The following GALNT14 variants were observed in gnomAD, a reference collection of about 807,000 sequenced individuals.
GALNT14 encodes UDP-GalNAc:polypeptide N-acetylgalactosaminyltransferase 14.
A neutral mutation model predicts 77.5 loss-of-function variants in GALNT14; 60 were observed. The ratio of observed to expected loss-of-function variants is 0.77; its 90% confidence interval spans 0.63 to 0.96. The LOEUF is 0.96. GALNT14 is among the 40% of genes least tolerant of loss of function. The pLI, the probability that GALNT14 is intolerant of heterozygous loss-of-function variation, is 0.00. For missense variants in GALNT14, 710 were observed against 731.0 expected, an observed-to-expected ratio of 0.97 and a Z score of 0.33; for synonymous variants, 280 against 281.7, an observed-to-expected ratio of 0.99 and a Z score of 0.06.
chr2:31,091,485 G>T (rs1676734855), intron 1 of GALNT14, among the ~76,000 whole-genome samples: 1 of 152,198 alleles, frequency 6.6e-6, no homozygotes, highest in Non-Finnish European at 1.5e-5. Context: ...GATCATCTCT[G>T]TACTTGCCCC....
At chr2:30,990,490 A>T (rs972158396) in intron 2 of GALNT14, among the ~76,000 whole-genome samples, 4 of 152,152 alleles carry the variant, frequency 2.6e-5, no homozygotes, top group Non-Finnish European at 4.4e-5. Context: ...GTGAGATGAG[A>T]TCCTATAGAC....
At chr2:31,065,153 T>A (rs1674861516) in intron 1 of GALNT14, 1 of 151,918 alleles carries the variant, frequency 6.6e-6, no homozygotes, top group Admixed American at 6.6e-5. Context: ...TCCATCTTGG[T>A]CCTTTATTGT....
chr2:31,056,602 G>A (rs1006372888), intron 1 of GALNT14, among the ~76,000 whole-genome samples: 2 of 152,152 alleles, frequency 1.3e-5, no homozygotes, highest in Non-Finnish European at 2.9e-5. Flanking sequence ...GTGTGCACCT[G>A]CCATGGGGAG....
chr2:31,005,289 A>C (rs1261810679), intron 1 of GALNT14, among the ~76,000 whole-genome samples: 1 of 152,108 alleles, frequency 6.6e-6, no homozygotes, highest in African/African-American at 2.4e-5. Flanking sequence ...TGGGGAGTGG[A>C]GATGGGCTAA....
chr2:31,094,695 T>C (rs1676917144), intron 1 of GALNT14, among the ~76,000 whole-genome samples: 1 of 152,340 alleles, frequency 6.6e-6, no homozygotes, highest in East Asian at 1.9e-4. Flanking sequence ...CACTATTAAG[T>C]AATTTCCCAA....
At chr2:31,058,271 G>A (rs896416841) in intron 1 of GALNT14, among the ~76,000 whole-genome samples, 5 of 152,124 alleles carry the variant, frequency 3.3e-5, no homozygotes, top group South Asian at 2.1e-4. Context: ...CCCCTGACCC[G>A]TGGGAAGGGA....
intron 11 of GALNT14, among the ~76,000 whole-genome samples, chr2:30,929,139 C>T (rs1665566000): frequency 6.6e-6 from 1 of 152,198 alleles, no homozygotes; most frequent in South Asian, 2.1e-4. Context: ...TATTGGTCCA[C>T]TGCACAAGGC....
chr2:30,931,547 C>T (rs1665728712), intron 10 of GALNT14, among the ~76,000 whole-genome samples: 2 of 152,116 alleles, frequency 1.3e-5, no homozygotes, highest in Non-Finnish European at 2.9e-5. Context: ...CACCAGCAGA[C>T]AGGAGCCCAG....
intron 3 of GALNT14, among the ~76,000 whole-genome samples, 168 bp downstream of exon 3, chr2:30,966,035 AG>A (rs1667983646): frequency 3.3e-5 from 5 of 152,180 alleles, no homozygotes; most frequent in Non-Finnish European, 7.3e-5. Context: ...CCTCCCTTAC[AG>A]GAATGTGAGG....
intron 1 of GALNT14, among the ~76,000 whole-genome samples, chr2:31,010,610 G>A (rs1362571178): frequency 2.0e-5 from 3 of 152,130 alleles, no homozygotes; most frequent in Non-Finnish European, 4.4e-5. Context: ...GAGAGACTCT[G>A]TCTCAAGATG....
At chr2:30,940,195 A>C (rs1666297184) in intron 9 of GALNT14, among the ~76,000 whole-genome samples, 2 of 152,156 alleles carry the variant, frequency 1.3e-5, no homozygotes. Context: ...CAACTTCTCT[A>C]TTCCAATCAG....
At chr2:30,889,136 C>T in the GALNT14 span, among the ~76,000 whole-genome samples, 13 of 152,086 alleles carry the variant, frequency 8.5e-5, no homozygotes, top group Non-Finnish European at 1.8e-4. Context: ...AGGTTAGCCA[C>T]CCGGATTTAT....
chr2:31,024,097 C>T (rs1178497196), intron 1 of GALNT14, among the ~76,000 whole-genome samples: 1 of 151,716 alleles, frequency 6.6e-6, no homozygotes, highest in African/African-American at 2.4e-5. Flanking sequence ...CAGCCTTGAA[C>T]AAGGCATCAC....
chr2:31,086,573 C>T (rs1676442350), intron 1 of GALNT14, among the ~76,000 whole-genome samples: 1 of 151,460 alleles, frequency 6.6e-6, no homozygotes, highest in Non-Finnish European at 1.5e-5. Context: ...AAAAAAAAAC[C>T]ATAAAAGGGT....
intron 1 of GALNT14, among the ~76,000 whole-genome samples, chr2:31,110,862 C>T (rs1677798195): frequency 6.6e-6 from 1 of 152,096 alleles, no homozygotes; most frequent in South Asian, 2.1e-4. Flanking sequence ...TCTTAAAAGT[C>T]AGATTTTTTA....
At chr2:31,072,361 GTC>G (rs1192450381) in intron 1 of GALNT14, among the ~76,000 whole-genome samples, 2 of 150,176 alleles carry the variant, frequency 1.3e-5, no homozygotes, top group Non-Finnish European at 3.0e-5. Context: ...CAAAATTTTT[GTC>G]TCTCTTGCTC....
chr2:31,131,961 C>T (rs1679016322), intron 1 of GALNT14, among the ~76,000 whole-genome samples: 1 of 152,174 alleles, frequency 6.6e-6, no homozygotes, highest in Non-Finnish European at 1.5e-5. Flanking sequence ...TTCTGTGCCT[C>T]TGGGGAAGTT....
chr2:30,919,838 T>C (rs1048582078), intron 13 of GALNT14, among the ~76,000 whole-genome samples: 8 of 152,114 alleles, frequency 5.3e-5, no homozygotes, highest in African/African-American at 1.9e-4. Context: ...CACATTCTGG[T>C]GTGGAATTGG....
chr2:30,941,297 C>T (rs1666364821), intron 9 of GALNT14, among the ~76,000 whole-genome samples: 1 of 152,178 alleles, frequency 6.6e-6, no homozygotes, highest in East Asian at 1.9e-4. Context: ...CTATGCTAAG[C>T]ACTGGAGACA....
Sources: gnomAD v4.1 joint callset for allele counts (sites outside exome capture counted in the v4.1 genomes callset) on GRCh38, gnomAD v4.1.1 for gene constraint, MANE v1.5 for transcripts, NCBI Gene and HGNC (gene_info 2026-07-23, HGNC 2026-07-21) for gene names.